The following SLC39A8 variants were observed in gnomAD, a reference collection of about 807,000 sequenced individuals.
SLC39A8 encodes the protein solute carrier family 39 member 8.
A neutral mutation model predicts 40.4 loss-of-function variants in SLC39A8; 15 were observed. That is an observed-to-expected ratio of 0.37 (90% CI 0.25 to 0.57). The LOEUF (loss-of-function observed/expected upper bound fraction) is 0.57. SLC39A8 is among the 20% of genes least tolerant of loss of function. SLC39A8 has a pLI of 0.75. For missense variants in SLC39A8, 472 were observed against 558.8 expected, an observed-to-expected ratio of 0.84 and a Z score of 1.57; for synonymous variants, 223 against 221.6, an observed-to-expected ratio of 1.01 and a Z score of -0.06.
chr4:102,337,661 T>C (rs1218649234), intron 2 of SLC39A8, among the ~76,000 whole-genome samples: 1 of 152,156 alleles, frequency 6.6e-6, no homozygotes, highest in Admixed American at 6.5e-5. Flanking sequence ...CAGTTAAGAA[T>C]GCAATTGCTT....
intron 6 of SLC39A8, among the ~76,000 whole-genome samples, chr4:102,301,441 C>A (rs191501468): frequency 1.3e-5 from 2 of 150,918 alleles, no homozygotes. Context: ...ACATCACTCT[C>A]ACATCACCAT....
At chr4:102,323,319 T>C (rs552422525) in intron 2 of SLC39A8, among the ~76,000 whole-genome samples, 1 of 152,276 alleles carries the variant, frequency 6.6e-6, no homozygotes, top group South Asian at 2.1e-4. Context: ...AACAATCTCA[T>C]CATTCAGCAT....
rs374195796 is a variant in SLC39A8 at position 102,267,686 on chromosome 4, A to G, written c.1049-12T>C. On this transcript the variant is annotated splice_polypyrimidine_tract_variant and intron_variant, in intron 7 of 8. Transcript: ENST00000356736. Reference sequence around the variant, plus strand: ...GATCACAAAGTCTCCTAGAAGAAGAAGAAGAAAATATCAAGTGAATAGTTT... The same window carrying G: ...GATCACAAAGTCTCCTAGAAGAAGAGGAAGAAAATATCAAGTGAATAGTTT... 1 of 1,569,304 alleles carries G rather than the reference A, an allele frequency of 6.4e-7. No individual in the cohort carries two copies. The highest frequency in any genetic ancestry group is 8.6e-7 in the Non-Finnish European group (1 of 1,163,076).
chr4:102,266,354 T>C (rs1732095255), intron 8 of SLC39A8, among the ~76,000 whole-genome samples: 1 of 150,216 alleles, frequency 6.7e-6, no homozygotes, highest in South Asian at 2.1e-4. Context: ...AAATGTAGCA[T>C]TGGTTCTAAG....
intron 6 of SLC39A8, among the ~76,000 whole-genome samples, chr4:102,281,559 G>T (rs1732872526): frequency 6.6e-6 from 1 of 152,132 alleles, no homozygotes; most frequent in Non-Finnish European, 1.5e-5. Context: ...AAGAGGCAAA[G>T]AAATAGATGA....
At chr4:102,299,301 T>TA (rs367878700) in intron 6 of SLC39A8, among the ~76,000 whole-genome samples, 2,703 of 143,268 alleles carry the variant, frequency 0.019, 34 homozygotes, top group African/African-American at 0.029. Flanking sequence ...ATTTCATACT[T>TA]AAAAAAAAAA....
At position 102,320,179 on chromosome 4, in the gene SLC39A8, ATATATATATATG is replaced by A. The variant is rs1206664127; in HGVS notation, c.220-4361_220-4350del. ...CTCATATATATATACATATATATAT[ATATATATATATG>A]TATATATATATGTATATATATATGT... On this transcript the variant is annotated intron_variant, in intron 2 of 8. Coordinates refer to ENST00000356736, the MANE Select transcript of SLC39A8 (RefSeq NM_001135146.2). 2.4e-3 allele frequency among the ~76,000 whole-genome samples: 239 copies of A among 99,790 alleles called. 1 individual carries two copies. Among genetic ancestry groups the A allele is most frequent in the African/African-American group, 6.2e-3 (196 of 31,430 alleles). The allele number at this position is 99,790 out of a possible 152,430, so 65.5% of individuals were successfully genotyped here. A position where few individuals can be genotyped will look rare whatever the true frequency, so the allele number is the denominator to read the frequency against.
At chr4:102,335,011 G>A (rs555842264) in intron 2 of SLC39A8, among the ~76,000 whole-genome samples, 8 of 152,248 alleles carry the variant, frequency 5.3e-5, no homozygotes, top group African/African-American at 1.9e-4. Context: ...TGTTTCCTCT[G>A]CCACAGTAAA....
chr4:102,262,748 A>G lies in SLC39A8; in HGVS notation c.*296T>C. On this transcript the variant is annotated 3_prime_UTR_variant, in exon 9 of 9. Coordinates refer to ENST00000356736, the MANE Select transcript of SLC39A8 (RefSeq NM_001135146.2). Reference sequence around the variant, plus strand: ...AGTCTGAGTGTCTACATGATTATAGAATGCATGTCTCTTGCTTCATGGTGA... The same window carrying G: ...AGTCTGAGTGTCTACATGATTATAGGATGCATGTCTCTTGCTTCATGGTGA... 1 of 1,073,762 alleles carries G rather than the reference A, an allele frequency of 9.3e-7. No homozygotes were observed. The allele number at this position is 1,073,762 out of a possible 1,614,324, so 66.5% of individuals were successfully genotyped here. A position where few individuals can be genotyped will look rare whatever the true frequency, so the allele number is the denominator to read the frequency against.
intron 2 of SLC39A8, among the ~76,000 whole-genome samples, chr4:102,341,660 G>T (rs532357273): frequency 5.3e-5 from 8 of 152,290 alleles, no homozygotes; most frequent in African/African-American, 1.9e-4. Flanking sequence ...AAAACTATTG[G>T]CTCAATTGTT....
intron 2 of SLC39A8, among the ~76,000 whole-genome samples, chr4:102,331,710 C>A (rs112391851): frequency 7.2e-4 from 109 of 152,302 alleles, no homozygotes; most frequent in African/African-American, 2.5e-3. Flanking sequence ...AAAGCCAAGA[C>A]AAACCTAAGG....
At chr4:102,334,371 A>G (rs1055845938) in intron 2 of SLC39A8, among the ~76,000 whole-genome samples, 9 of 152,180 alleles carry the variant, frequency 5.9e-5, no homozygotes, top group African/African-American at 2.2e-4. Context: ...TTCTGGGGGA[A>G]CTGATATGTC....
chr4:102,328,488 G>A (rs1330751341), intron 2 of SLC39A8, among the ~76,000 whole-genome samples: 4 of 152,202 alleles, frequency 2.6e-5, no homozygotes, highest in African/African-American at 9.7e-5. Context: ...AGAGGATGAT[G>A]AGGAGGGAAA....
At chr4:102,257,366 G>A (rs898220710), downstream of SLC39A8, among the ~76,000 whole-genome samples, 1 of 151,810 alleles carries the variant, frequency 6.6e-6, no homozygotes, top group African/African-American at 2.4e-5. Context: ...TAATTTCTTT[G>A]AATTCTATCT....
chr4:102,252,390 G>T (rs761024015), exon 12 of SLC39A8: 12 of 152,336 alleles, frequency 7.9e-5, no homozygotes, highest in Non-Finnish European at 1.6e-4. Flanking sequence ...GGGAGAAAAA[G>T]GATTTATCCT....
intron 6 of SLC39A8, among the ~76,000 whole-genome samples, chr4:102,294,867 G>A (rs1485054802): frequency 6.6e-6 from 1 of 151,758 alleles, no homozygotes; most frequent in East Asian, 1.9e-4. Flanking sequence ...TAATCAGAAA[G>A]ACAAATCAGA....
At chr4:102,328,311 A>G (rs1000644995) in intron 2 of SLC39A8, among the ~76,000 whole-genome samples, 5 of 151,394 alleles carry the variant, frequency 3.3e-5, no homozygotes, top group African/African-American at 1.2e-4. Flanking sequence ...GCTAAATACA[A>G]TGGGTGCTTC....
intron 2 of SLC39A8, among the ~76,000 whole-genome samples, chr4:102,321,978 T>C (rs1734985932): frequency 6.6e-6 from 1 of 152,102 alleles, no homozygotes; most frequent in Non-Finnish European, 1.5e-5. Context: ...TAAGAAACAA[T>C]CCAGACCAGT....
chr4:102,290,381 A>C (rs1337599516), intron 6 of SLC39A8, among the ~76,000 whole-genome samples: 1 of 152,132 alleles, frequency 6.6e-6, no homozygotes, highest in Non-Finnish European at 1.5e-5. Flanking sequence ...TCTGGAACCA[A>C]ATTCATCTGA....
Sources: allele counts gnomAD v4.1 joint callset (sites outside exome capture counted in the v4.1 genomes callset), GRCh38; gene constraint gnomAD v4.1.1; transcripts MANE v1.5; gene names NCBI Gene and HGNC (gene_info 2026-07-23, HGNC 2026-07-21).